The following CDK14 variants were observed in gnomAD, a reference collection of about 807,000 sequenced individuals.
CDK14 encodes the protein cyclin-dependent kinase 14.
CDK14 carries 34 observed loss-of-function variants against 60.7 expected under a neutral mutation model. That is an observed-to-expected ratio of 0.56 (90% CI 0.43 to 0.75). CDK14 has a LOEUF of 0.75. CDK14 is among the 30% of genes least tolerant of loss of function. CDK14 has a pLI of 0.00. For missense variants in CDK14, 482 were observed against 564.1 expected (o/e 0.85, Z 1.47); for synonymous variants, 197 against 203.7 (o/e 0.97, Z 0.28).
At chr7:90,655,778 A>G (rs1800739633) in intron 2 of CDK14, among the ~76,000 whole-genome samples, 1 of 152,148 alleles carries the variant, frequency 6.6e-6, no homozygotes, top group Non-Finnish European at 1.5e-5. Context: ...TCCTGTGGCC[A>G]CCAATAATTC....
intron 8 of CDK14, among the ~76,000 whole-genome samples, chr7:90,928,139 C>G (rs1183392539): frequency 6.6e-6 from 1 of 152,112 alleles, no homozygotes; most frequent in African/African-American, 2.4e-5. Context: ...AGGTTTTTAG[C>G]TTCTTTGCGA....
At chr7:90,663,565 C>G (rs543852406) in intron 2 of CDK14, among the ~76,000 whole-genome samples, 1 of 152,286 alleles carries the variant, frequency 6.6e-6, no homozygotes, top group Admixed American at 6.5e-5. Flanking sequence ...TATTCCCATG[C>G]ACTGAATTGT....
intron 11 of CDK14, among the ~76,000 whole-genome samples, chr7:91,056,213 C>G (rs1425634401): frequency 6.6e-6 from 1 of 152,094 alleles, no homozygotes; most frequent in Non-Finnish European, 1.5e-5. Context: ...TGGGACTTCA[C>G]TAAGCCAAAA....
At chr7:90,771,897 G>A (rs2116894899) in intron 4 of CDK14, among the ~76,000 whole-genome samples, 1 of 152,306 alleles carries the variant, frequency 6.6e-6, no homozygotes, top group East Asian at 1.9e-4. Flanking sequence ...GAATTTGTCT[G>A]CCTCCTATTG....
At chr7:90,993,663 T>G (rs1795599687) in intron 10 of CDK14, among the ~76,000 whole-genome samples, 1 of 152,136 alleles carries the variant, frequency 6.6e-6, no homozygotes, top group Admixed American at 6.6e-5. Flanking sequence ...GGGCAGATGT[T>G]GAGGGAATGG....
chr7:90,636,874 T>C (rs1441081025), intron 2 of CDK14, among the ~76,000 whole-genome samples: 3 of 151,902 alleles, frequency 2.0e-5, no homozygotes, highest in Non-Finnish European at 4.4e-5. Flanking sequence ...AGAGTGTATG[T>C]GTCGAGGAAT....
At chr7:90,596,823 G>T in intron 1 of CDK14, 105 bp downstream of exon 1, 1 of 948,912 alleles carries the variant, frequency 1.1e-6, no homozygotes, top group South Asian at 1.5e-5. Flanking sequence ...GGGCTGGCGT[G>T]GGGTGCGTTG....
intron 6 of CDK14, among the ~76,000 whole-genome samples, chr7:90,897,192 T>C (rs1252436500): frequency 1.3e-5 from 2 of 152,174 alleles, no homozygotes; most frequent in Non-Finnish European, 1.5e-5. Context: ...TACATTGATA[T>C]ATCTGATTCC....
At chr7:90,796,398 A>G (rs1788432370) in intron 5 of CDK14, among the ~76,000 whole-genome samples, 1 of 152,190 alleles carries the variant, frequency 6.6e-6, no homozygotes, top group Admixed American at 6.5e-5. Context: ...TAGGTGAAGT[A>G]TTGATTACAG....
At chr7:91,173,524 C>A (rs1801601370) in intron 14 of CDK14, among the ~76,000 whole-genome samples, 3 of 152,126 alleles carry the variant, frequency 2.0e-5, no homozygotes, top group African/African-American at 7.2e-5. Context: ...CTGGTGATTT[C>A]TGCATTTCCA....
chr7:90,767,483 A>T (rs1188000878), intron 4 of CDK14, among the ~76,000 whole-genome samples: 1 of 152,126 alleles, frequency 6.6e-6, no homozygotes, highest in Non-Finnish European at 1.5e-5. Flanking sequence ...TGTTTCACCT[A>T]AGTGATTTGT....
chr7:90,670,138 G>A (rs928300329), intron 2 of CDK14, among the ~76,000 whole-genome samples: 1 of 152,172 alleles, frequency 6.6e-6, no homozygotes, highest in African/African-American at 2.4e-5. Context: ...GTTATGCAGA[G>A]GCTGTAGGAA....
At chr7:91,015,530 T>TTG (rs1209337340) in intron 10 of CDK14, among the ~76,000 whole-genome samples, 40 of 132,694 alleles carry the variant, frequency 3.0e-4, no homozygotes, top group African/African-American at 1.0e-3. Context: ...GGTTTTTTTT[T>TTG]TTTTTTTTTT....
intron 10 of CDK14, among the ~76,000 whole-genome samples, chr7:90,987,869 G>A (rs1228158053): frequency 6.6e-6 from 1 of 152,126 alleles, no homozygotes; most frequent in East Asian, 1.9e-4. Flanking sequence ...CTGGCCTCTG[G>A]TAAAGCATTG....
chr7:90,835,320 T>A (rs1790058784), intron 5 of CDK14, among the ~76,000 whole-genome samples: 4 of 151,928 alleles, frequency 2.6e-5, no homozygotes, highest in Non-Finnish European at 5.9e-5. Context: ...GTGGAGAACT[T>A]GAAGTCAAGG....
At position 90,720,891 on chromosome 7, in the gene CDK14, G is replaced by A. The variant is rs563521960; in HGVS notation, c.124-5676G>A. 4.6e-5 allele frequency among the ~76,000 whole-genome samples: 7 copies of A among 152,120 alleles called. No individual in the cohort carries two copies. In the East Asian group the frequency reaches 1.3e-3, roughly 29 times the overall value. On this transcript the variant is annotated intron_variant, in intron 2 of 14. Coordinates refer to ENST00000380050, the MANE Select transcript of CDK14 (RefSeq NM_001287135.2). ...CAGGATCTGAGTTATTGACTGTTGG[G>A]GTCCTGGATGCTTTTTTCAAGTCAG...
intron 14 of CDK14, among the ~76,000 whole-genome samples, chr7:91,128,954 G>A (rs1012703353): frequency 2.0e-5 from 3 of 152,028 alleles, no homozygotes; most frequent in East Asian, 1.9e-4. Context: ...TTTGTTGAAC[G>A]TTTCCACAAC....
intron 10 of CDK14, among the ~76,000 whole-genome samples, chr7:91,044,171 G>A (rs184509421): frequency 7.9e-4 from 121 of 152,300 alleles, no homozygotes; most frequent in African/African-American, 2.8e-3. Flanking sequence ...GCATTTTAGC[G>A]AAACATGCGA....
At chr7:90,932,672 T>G (rs1342188785) in intron 8 of CDK14, among the ~76,000 whole-genome samples, 1 of 152,218 alleles carries the variant, frequency 6.6e-6, no homozygotes, top group African/African-American at 2.4e-5. Flanking sequence ...ATAAGCTGCT[T>G]AAAATAGCAC....
Sources: allele counts gnomAD v4.1 joint callset (sites outside exome capture counted in the v4.1 genomes callset), GRCh38; gene constraint gnomAD v4.1.1; transcripts MANE v1.5; gene names NCBI Gene and HGNC (gene_info 2026-07-23, HGNC 2026-07-21).